The following RUNX1 variants were observed in gnomAD, a reference collection of about 807,000 sequenced individuals.
RUNX1 encodes the protein runt-related transcription factor 1.
In RUNX1, 19 loss-of-function variants were observed where a neutral mutation model predicts 42.8. The observed-to-expected ratio is 0.44, with a 90% confidence interval of 0.31 to 0.65. RUNX1 has a LOEUF of 0.65. RUNX1 is among the 30% of genes least tolerant of loss of function. RUNX1 has a pLI of 0.07. For synonymous variants in RUNX1, 271 were observed against 289.4 expected (o/e 0.94, Z 0.64); for missense variants, 528 against 672.0 (o/e 0.79, Z 2.37).
At chr21:34,980,990 A>T (rs554567701) in intron 2 of RUNX1, among the ~76,000 whole-genome samples, 8 of 152,362 alleles carry the variant, frequency 5.3e-5, no homozygotes, top group African/African-American at 1.9e-4. Context: ...ACGTAGGCGG[A>T]AATTTAAACA....
intron 2 of RUNX1, among the ~76,000 whole-genome samples, chr21:34,903,191 A>G (rs2058190951): frequency 6.6e-6 from 1 of 152,216 alleles, no homozygotes; most frequent in Admixed American, 6.5e-5. Context: ...AGTGTTATCC[A>G]AAATAATTTA....
At chr21:34,821,699 G>A (rs2056911190) in intron 7 of RUNX1, 1 of 1,570,180 alleles carries the variant, frequency 6.4e-7, no homozygotes, top group African/African-American at 1.3e-5. Context: ...GTCTTCCTCT[G>A]AGGGAGCCAT....
intron 2 of RUNX1, among the ~76,000 whole-genome samples, chr21:34,930,239 T>TATACATGTATATATATTATATATAGATG: frequency 7.7e-6 from 1 of 130,638 alleles, no homozygotes; most frequent in Non-Finnish European, 1.5e-5. Context: ...TATATACATA[T>TATACATGTATATATATTATATATAGATG]TATATATGTA....
At chr21:35,031,388 G>A (rs950872000) in intron 2 of RUNX1, among the ~76,000 whole-genome samples, 2 of 152,028 alleles carry the variant, frequency 1.3e-5, no homozygotes, top group South Asian at 4.1e-4. Context: ...GTATTGGTGA[G>A]GTTGTGGAGA....
intron 2 of RUNX1, among the ~76,000 whole-genome samples, chr21:34,967,485 G>C (rs538687897): frequency 6.6e-6 from 1 of 151,512 alleles, no homozygotes; most frequent in African/African-American, 2.4e-5. Flanking sequence ...ATCCAGCCCT[G>C]AACACAGGAT....
At chr21:34,800,111 A>G (rs925484823) in intron 7 of RUNX1, among the ~76,000 whole-genome samples, 2 of 152,206 alleles carry the variant, frequency 1.3e-5, no homozygotes, top group Non-Finnish European at 2.9e-5. Context: ...GTTCCTTTTC[A>G]GGACTTCGAG....
intron 3 of RUNX1, chr21:34,888,770 G>T: frequency 1.2e-6 from 1 of 862,038 alleles, no homozygotes; most frequent in Non-Finnish European, 1.4e-6. Flanking sequence ...CGTTTGCATA[G>T]GGGCGGCCGG....
intron 2 of RUNX1, among the ~76,000 whole-genome samples, chr21:35,011,942 T>C (rs965401094): frequency 6.6e-6 from 1 of 152,200 alleles, no homozygotes. Flanking sequence ...ACATGAGTCA[T>C]TCCAGCCAAA....
intron 2 of RUNX1, chr21:35,038,548 A>G (rs2059327527): frequency 2.2e-6 from 1 of 448,592 alleles, no homozygotes; most frequent in South Asian, 1.6e-5. Flanking sequence ...TGGATTCCCT[A>G]AGCATGGGAA....
At chr21:35,034,993 T>G (rs2059297310) in intron 2 of RUNX1, among the ~76,000 whole-genome samples, 1 of 152,144 alleles carries the variant, frequency 6.6e-6, no homozygotes, top group South Asian at 2.1e-4. Context: ...ACAGATCCAG[T>G]GTACAAGGAT....
Position 34,792,771 on chromosome 21 carries a change from C to T in RUNX1, c.968-161G>A, listed in dbSNP as rs2056466735. ...GGGAGGACGGGGACCACCCGGGATG[C>T]TACTCCCAAGAGGACGAGGATTACC... is the stretch of plus-strand genomic sequence containing the variant. On this transcript the variant is annotated intron_variant, in intron 8 of 8. Transcript: ENST00000675419. The surrounding 1 kb of genome is among the most constrained non-coding windows in gnomAD (Gnocchi z 6.9). Among the ~76,000 whole-genome samples the T allele has an allele frequency of 6.6e-6, 1 of 151,096 alleles. No homozygotes were observed. The highest frequency in any genetic ancestry group is 2.4e-5 in the African/African-American group (1 of 41,066).
At chr21:34,937,098 T>C (rs2058491561) in intron 2 of RUNX1, among the ~76,000 whole-genome samples, 1 of 152,164 alleles carries the variant, frequency 6.6e-6, no homozygotes. Flanking sequence ...CGCAAGATTA[T>C]GCACACATGG....
At chr21:34,935,008 G>T (rs539149737) in intron 2 of RUNX1, among the ~76,000 whole-genome samples, 1 of 151,026 alleles carries the variant, frequency 6.6e-6, no homozygotes. Context: ...TTTTGATTCT[G>T]TCTTTATTCT....
intron 5 of RUNX1, 128 bp from the exon 6 acceptor site, chr21:34,859,706 G>A (rs1307946624): frequency 4.8e-6 from 4 of 828,800 alleles, no homozygotes; most frequent in South Asian, 1.4e-5. Flanking sequence ...CAACACTCCC[G>A]GAATTTTGGC....
At chr21:34,883,134 T>C (rs1489547339) in intron 4 of RUNX1, among the ~76,000 whole-genome samples, 1 of 152,212 alleles carries the variant, frequency 6.6e-6, no homozygotes, top group Non-Finnish European at 1.5e-5. Context: ...CAGGAGACCT[T>C]CGCCAAGTCG....
At chr21:34,994,016 CCT>C (rs1466305623) in intron 2 of RUNX1, among the ~76,000 whole-genome samples, 1 of 152,160 alleles carries the variant, frequency 6.6e-6, no homozygotes, top group East Asian at 1.9e-4. Context: ...AGGGTTGTTC[CCT>C]CCGGGCCGGC....
intron 2 of RUNX1, among the ~76,000 whole-genome samples, chr21:34,924,517 C>T (rs1031207056): frequency 1.3e-5 from 2 of 152,130 alleles, no homozygotes; most frequent in East Asian, 3.9e-4. Context: ...GAGAGACATT[C>T]GAGTTGGAAT....
chr21:34,810,948 A>G (rs534365626), intron 7 of RUNX1, among the ~76,000 whole-genome samples: 2 of 152,272 alleles, frequency 1.3e-5, no homozygotes, highest in African/African-American at 2.4e-5. Context: ...GCGGGGTAGC[A>G]TGCACCGCTA....
intron 2 of RUNX1, among the ~76,000 whole-genome samples, chr21:34,991,410 C>G (rs1297394405): frequency 1.3e-5 from 2 of 152,204 alleles, no homozygotes; most frequent in Non-Finnish European, 2.9e-5. Flanking sequence ...TGTGTCACCC[C>G]CAGTGGGGCC....
Sources: allele counts gnomAD v4.1 joint callset (sites outside exome capture counted in the v4.1 genomes callset), GRCh38; gene constraint gnomAD v4.1.1; non-coding constraint Gnocchi (gnomAD v3.1); transcripts MANE v1.5; gene names NCBI Gene and HGNC (gene_info 2026-07-23, HGNC 2026-07-21).